DLGAP4: variants seen among roughly 807,000 people sequenced by gnomAD.
DLGAP4 encodes DLG associated protein 4.
Under a neutral mutation model 86.9 loss-of-function variants are expected in DLGAP4, and 18 were observed. The ratio of observed to expected loss-of-function variants is 0.21; its 90% CI spans 0.14 to 0.31. The LOEUF is 0.31. DLGAP4 is among the 10% of genes least tolerant of loss of function. DLGAP4 has a pLI of 1.00. For synonymous variants in DLGAP4, 548 were observed against 574.3 expected, an observed-to-expected ratio of 0.95 and a Z score of 0.65; for missense variants, 1,085 against 1,362.6, an observed-to-expected ratio of 0.80 and a Z score of 3.21.
At chr20:36,378,919 G>C (rs867899356) in intron 2 of DLGAP4, among the ~76,000 whole-genome samples, 1 of 152,098 alleles carries the variant, frequency 6.6e-6, no homozygotes, top group Non-Finnish European at 1.5e-5. Context: ...CCCAAGTACC[G>C]GGCCTCGTGC....
intron 2 of DLGAP4, among the ~76,000 whole-genome samples, chr20:36,426,027 T>C (rs1255223139): frequency 6.6e-6 from 1 of 152,174 alleles, no homozygotes; most frequent in Non-Finnish European, 1.5e-5. Context: ...AAATGTACTA[T>C]ATATGCAGGA....
intron 6 of DLGAP4, 128 bp downstream of exon 6, chr20:36,442,905 C>A (rs2033488854): frequency 4.1e-6 from 5 of 1,212,740 alleles, no homozygotes; most frequent in Non-Finnish European, 6.1e-6. Flanking sequence ...AGGAAAGCCA[C>A]TTCCAGTGGA....
rs1569527908 is a variant in DLGAP4, at chr20:36,526,876, C to T, written c.2824C>T (p.Arg942Cys). ...AGCCAAATCCAAGCCGGCAGTGAGCCGCGACAAGGCCTCAGACGCCAGCGA... is the reference window on the plus strand; with the variant it reads ...AGCCAAATCCAAGCCGGCAGTGAGCTGCGACAAGGCCTCAGACGCCAGCGA... The part of the protein sequence containing the change: ...KPAKSKPAVS[R>C]DKASDASDKQ... Residue 942 changes from arginine to cysteine, a missense_variant, in exon 13 of 13, where the codon CGC (arginine) becomes TGC (cysteine). By Grantham distance (180) the Arg-to-Cys change is radical. This residue lies in a region of DLGAP4 where 1,082 missense variants were observed against 1,344.1 expected (regional missense o/e 0.81). Coordinates refer to ENST00000339266, the MANE Select transcript of DLGAP4 (RefSeq NM_001365621.2). 7 of 1,612,620 alleles carry T rather than the reference C, an allele frequency of 4.3e-6. No individual in the cohort carries two copies. The highest frequency in any genetic ancestry group is 2.2e-5 in the East Asian group (1 of 44,818).
At chr20:36,328,473 G>GT (rs2065237514) in intron 1 of DLGAP4, among the ~76,000 whole-genome samples, 2 of 147,778 alleles carry the variant, frequency 1.4e-5, no homozygotes, top group African/African-American at 5.3e-5. Context: ...AAAACTGGCA[G>GT]GTTTTTTTTT....
At chr20:36,382,390 T>C (rs1309340856) in intron 2 of DLGAP4, among the ~76,000 whole-genome samples, 2 of 122,294 alleles carry the variant, frequency 1.6e-5, no homozygotes, top group African/African-American at 3.1e-5. Flanking sequence ...TTTTAGGGGG[T>C]GGGGGTGGAG....
At chr20:36,411,233 G>A (rs573811779) in intron 2 of DLGAP4, among the ~76,000 whole-genome samples, 124 of 152,140 alleles carry the variant, frequency 8.2e-4, no homozygotes, top group Non-Finnish European at 1.4e-3. Context: ...CAGGTGATCC[G>A]CCCACCTCAG....
chr20:36,524,183 G>A (rs1007593606), intron 10 of DLGAP4, 67 bp from the exon 11 acceptor site: 2 of 1,310,326 alleles, frequency 1.5e-6, no homozygotes, highest in Non-Finnish European at 2.2e-6. Flanking sequence ...GAGATTAAAA[G>A]CATGATGCCA....
chr20:36,413,241 G>C (rs189423364), intron 2 of DLGAP4, among the ~76,000 whole-genome samples: 1 of 151,666 alleles, frequency 6.6e-6, no homozygotes. Flanking sequence ...GGCTCCCAAA[G>C]TGTTGGGATT....
chr20:36,462,178 C>T, intron 7 of DLGAP4: 1 of 1,055,264 alleles, frequency 9.5e-7, no homozygotes, highest in Non-Finnish European at 1.1e-6. Flanking sequence ...TCCTAGGTCC[C>T]AAGTTGGGGT....
At chr20:36,443,896 C>A (rs116364885) in intron 6 of DLGAP4, among the ~76,000 whole-genome samples, 1,763 of 152,284 alleles carry the variant, frequency 0.012, 34 homozygotes, top group African/African-American at 0.04. Flanking sequence ...TTGACCACAA[C>A]CCTGAAATGG....
At chr20:36,503,159 TG>T (rs2036215384) in intron 10 of DLGAP4, among the ~76,000 whole-genome samples, 1 of 152,236 alleles carries the variant, frequency 6.6e-6, no homozygotes, top group Non-Finnish European at 1.5e-5. Context: ...TCATGTTTTT[TG>T]TTGGACTTCC....
intron 1 of DLGAP4, among the ~76,000 whole-genome samples, chr20:36,324,945 T>A (rs1427387425): frequency 1.3e-5 from 2 of 152,200 alleles, no homozygotes. Context: ...TTGTTTTCTC[T>A]TTTATTGATT....
chr20:36,377,568 C>T (rs1260152838), intron 2 of DLGAP4, among the ~76,000 whole-genome samples: 2 of 152,212 alleles, frequency 1.3e-5, no homozygotes, highest in Non-Finnish European at 2.9e-5. Context: ...CATCTGAGAG[C>T]CTCAGGCGCC....
chr20:36,466,974 C>CT (rs1433179329), intron 7 of DLGAP4, among the ~76,000 whole-genome samples: 10 of 136,576 alleles, frequency 7.3e-5, no homozygotes, highest in Non-Finnish European at 1.4e-4. Context: ...CTGTCTCTCT[C>CT]CTCTCTCTCT....
At chr20:36,470,784 T>C (rs1411175942) in intron 7 of DLGAP4, among the ~76,000 whole-genome samples, 1 of 152,178 alleles carries the variant, frequency 6.6e-6, no homozygotes, top group African/African-American at 2.4e-5. Flanking sequence ...CTGTTGCAGG[T>C]TATTCTTGGT....
chr20:36,385,391 G>C (rs1474801874), intron 2 of DLGAP4, among the ~76,000 whole-genome samples: 1 of 152,142 alleles, frequency 6.6e-6, no homozygotes, highest in Non-Finnish European at 1.5e-5. Flanking sequence ...GGTTGAAAAG[G>C]GCTGGCAGGT....
At chr20:36,433,832 T>C (rs2033196928) in intron 3 of DLGAP4, among the ~76,000 whole-genome samples, 1 of 151,378 alleles carries the variant, frequency 6.6e-6, no homozygotes, top group African/African-American at 2.4e-5. Flanking sequence ...TTTGTATGTT[T>C]AATAGAGACG....
At chr20:36,413,281 T>C (rs748900372) in intron 2 of DLGAP4, among the ~76,000 whole-genome samples, 9 of 151,906 alleles carry the variant, frequency 5.9e-5, no homozygotes, top group Non-Finnish European at 7.4e-5. Flanking sequence ...CCCGGCCTTA[T>C]TCCAGAACTC....
At chr20:36,320,115 TAGGCCCCC>T (rs2065152138) in intron 1 of DLGAP4, among the ~76,000 whole-genome samples, 1 of 90,526 alleles carries the variant, frequency 1.1e-5, no homozygotes, top group African/African-American at 6.0e-5. Flanking sequence ...CGCATTCCCC[TAGGCCCCC>T]CTCTGTGTCT....
Sources: allele counts gnomAD v4.1 joint callset (sites outside exome capture counted in the v4.1 genomes callset), GRCh38; gene constraint gnomAD v4.1.1; regional missense constraint gnomAD v4.1.1; transcripts MANE v1.5; gene names NCBI Gene and HGNC (gene_info 2026-07-23, HGNC 2026-07-21).